GLRA3: variants seen among roughly 807,000 people sequenced by gnomAD.
GLRA3 encodes the protein glycine receptor alpha 3.
GLRA3 carries 44 observed loss-of-function variants against 60.4 expected under a neutral mutation model. That is an observed-to-expected ratio of 0.73 (90% confidence interval 0.57 to 0.94). GLRA3 has a LOEUF of 0.94. Among genes scored for constraint, GLRA3 ranks in the 40% least tolerant of loss-of-function variants. The probability of loss-of-function intolerance (pLI) is 0.00; values close to 1 mark genes in which losing one functional copy is unlikely to be tolerated. For synonymous variants in GLRA3, 223 were observed against 192.9 expected, an observed-to-expected ratio of 1.16 and a Z score of -1.29; for missense variants, 508 against 564.6, an observed-to-expected ratio of 0.90 and a Z score of 1.02.
At chr4:174,765,880 A>G (rs1277835791) in intron 3 of GLRA3, among the ~76,000 whole-genome samples, 1 of 151,934 alleles carries the variant, frequency 6.6e-6, no homozygotes, top group Non-Finnish European at 1.5e-5. Context: ...AAGCTATACT[A>G]ACTTTGAATA....
rs374978403 is a variant in GLRA3 at position 174,799,465 on chromosome 4, C to T, written c.72-10522G>A. On this transcript the variant is annotated intron_variant, in intron 1 of 9. Transcript: ENST00000274093. Reference sequence around the variant, plus strand: ...GTCCCTTTGGGGTGGCAATAAATTCCGTAAGTCGTAACTGAGAGGCTAACA... The same window carrying T: ...GTCCCTTTGGGGTGGCAATAAATTCTGTAAGTCGTAACTGAGAGGCTAACA... Among the ~76,000 whole-genome samples, 18 of 152,230 alleles carry T rather than the reference C, an allele frequency of 1.2e-4. No homozygotes were observed. The South Asian group carries it at 3.3e-3, about 28-fold the overall frequency.
At chr4:174,788,975 A>C (rs777832886) in intron 1 of GLRA3, 32 bp from the exon 2 acceptor site, 5 of 1,430,950 alleles carry the variant, frequency 3.5e-6, no homozygotes, top group Non-Finnish European at 2.9e-6. Flanking sequence ...TAGACTTTAC[A>C]AAAAGAAGTA....
At chr4:174,728,174 T>C (rs1339529709) in intron 4 of GLRA3, among the ~76,000 whole-genome samples, 3 of 152,240 alleles carry the variant, frequency 2.0e-5, no homozygotes, top group Non-Finnish European at 2.9e-5. Context: ...TCACAATGCA[T>C]GATTCAGCTG....
intron 1 of GLRA3, among the ~76,000 whole-genome samples, chr4:174,807,559 A>T (rs572592925): frequency 6.6e-6 from 1 of 152,272 alleles, no homozygotes; most frequent in South Asian, 2.1e-4. Flanking sequence ...AGATCAAAGG[A>T]GGTTAAGCTT....
chr4:174,652,226 AT>A (rs1285529585), intron 9 of GLRA3, among the ~76,000 whole-genome samples: 1 of 151,894 alleles, frequency 6.6e-6, no homozygotes, highest in Non-Finnish European at 1.5e-5. Flanking sequence ...TAGCACTCAA[AT>A]TTTTTTTGAG....
chr4:174,683,851 A>G (rs1031936175), intron 5 of GLRA3, among the ~76,000 whole-genome samples: 2 of 152,182 alleles, frequency 1.3e-5, no homozygotes, highest in African/African-American at 4.8e-5. Flanking sequence ...GGAAATAGAA[A>G]TTGATTTTTT....
At chr4:174,663,293 C>T (rs1579406936) in intron 7 of GLRA3, among the ~76,000 whole-genome samples, 1 of 152,072 alleles carries the variant, frequency 6.6e-6, no homozygotes. Context: ...CTCATAAATT[C>T]TGTAATTCGG....
At chr4:174,820,095 G>C (rs1382541878) in intron 1 of GLRA3, among the ~76,000 whole-genome samples, 1 of 152,098 alleles carries the variant, frequency 6.6e-6, no homozygotes, top group African/African-American at 2.4e-5. Flanking sequence ...GAGTAGAGTT[G>C]GGAATTGTTT....
chr4:174,749,614 T>G (rs1737384101), intron 3 of GLRA3, among the ~76,000 whole-genome samples: 2 of 152,056 alleles, frequency 1.3e-5, no homozygotes, highest in African/African-American at 4.8e-5. Flanking sequence ...AGTCAGGGAC[T>G]GAGAAATGGG....
intron 3 of GLRA3, among the ~76,000 whole-genome samples, chr4:174,752,596 C>T (rs73006410): frequency 1.2e-3 from 190 of 152,046 alleles, no homozygotes; most frequent in African/African-American, 4.1e-3. Flanking sequence ...GAAAGTTTGA[C>T]GATAGAAAAG....
intron 1 of GLRA3, 52 bp downstream of exon 1, chr4:174,828,689 G>C: frequency 8.9e-7 from 1 of 1,120,758 alleles, no homozygotes; most frequent in Non-Finnish European, 1.4e-6. Context: ...TGGTTGCAAC[G>C]TAATGCACAG....
chr4:174,677,433 C>T (rs1734177855), intron 6 of GLRA3, 141 bp from the exon 7 acceptor site: 1 of 589,804 alleles, frequency 1.7e-6, no homozygotes, highest in Non-Finnish European at 3.0e-6. Flanking sequence ...GATCTCAGCT[C>T]ACTGTAGCCT....
At chr4:174,785,330 A>G (rs1392476246) in intron 2 of GLRA3, among the ~76,000 whole-genome samples, 1 of 152,144 alleles carries the variant, frequency 6.6e-6, no homozygotes, top group African/African-American at 2.4e-5. Flanking sequence ...TTTTCCCACT[A>G]TGGCCTTCAA....
chr4:174,757,402 A>C (rs565483100), intron 3 of GLRA3, among the ~76,000 whole-genome samples: 1 of 152,260 alleles, frequency 6.6e-6, no homozygotes, highest in South Asian at 2.1e-4. Flanking sequence ...CTCCAATTAA[A>C]AGAAAAAGAA....
chr4:174,787,174 A>G (rs1739156639), intron 2 of GLRA3, among the ~76,000 whole-genome samples: 1 of 152,156 alleles, frequency 6.6e-6, no homozygotes, highest in Admixed American at 6.5e-5. Flanking sequence ...GTGGTTGGTA[A>G]CTTATCTGCA....
chr4:174,661,618 T>C (rs1418628625), intron 7 of GLRA3, among the ~76,000 whole-genome samples: 1 of 152,172 alleles, frequency 6.6e-6, no homozygotes, highest in Non-Finnish European at 1.5e-5. Context: ...TCCTTGCTCC[T>C]GGTCCCATCC....
rs902330560 is a variant in GLRA3 at position 174,687,477 on chromosome 4, G to A, written c.575-4538C>T. On this transcript the variant is annotated intron_variant, in intron 5 of 9. Coordinates refer to ENST00000274093, the MANE Select transcript of GLRA3 (RefSeq NM_006529.4). ...CAAGCTGAACTAGCTTGGGGTTTTCGTGAAATACTATTTTTTATGTGAAAA... is the reference window on the plus strand; with the variant it reads ...CAAGCTGAACTAGCTTGGGGTTTTCATGAAATACTATTTTTTATGTGAAAA... Among the ~76,000 whole-genome samples the A allele has an allele frequency of 3.3e-5, 5 of 152,084 alleles. No individual in the cohort carries two copies. In the East Asian group the frequency reaches 5.8e-4, roughly 18 times the overall value.
chr4:174,779,963 T>C (rs7684801), intron 2 of GLRA3, among the ~76,000 whole-genome samples: 30,734 of 138,792 alleles, frequency 0.22, 3,433 homozygotes, highest in Non-Finnish European at 0.27. Context: ...ATACAGAGAA[T>C]GCCACAAAGA....
rs187060887 is a variant in GLRA3, at chr4:174,820,147, A to G, written c.71+8594T>C. ...AAGGCATAACTGAGTAAGAAAATGA[A>G]CATTTTTAGATATTTTTTTCTAGAC... On this transcript the variant is annotated intron_variant, in intron 1 of 9. Transcript: ENST00000274093. 5.5e-4 allele frequency among the ~76,000 whole-genome samples: 84 copies of G among 152,308 alleles called. 2 individuals carry two copies. In the South Asian group the frequency reaches 9.1e-3, roughly 17 times the overall value.
Sources: gnomAD v4.1 joint callset for allele counts (sites outside exome capture counted in the v4.1 genomes callset) on GRCh38, gnomAD v4.1.1 for gene constraint, MANE v1.5 for transcripts, NCBI Gene and HGNC (gene_info 2026-07-23, HGNC 2026-07-21) for gene names.